Variants in STARD13 observed in about 807,000 individuals in gnomAD.
STARD13 encodes stAR-related lipid transfer protein 13.
Under a neutral mutation model 106.4 loss-of-function variants are expected in STARD13, and 62 were observed. That is an observed-to-expected ratio of 0.58 (90% CI 0.48 to 0.72). STARD13 has a LOEUF of 0.72. Ranked by LOEUF, STARD13 falls within the 30% of genes least tolerant of loss-of-function variation. The pLI, the probability that STARD13 is intolerant of heterozygous loss-of-function variation, is 0.00. For missense variants in STARD13, 1,387 were observed against 1,424.0 expected (o/e 0.97, Z 0.42); for synonymous variants, 565 against 553.0 (o/e 1.02, Z -0.31).
At chr13:33,623,428 TAAAAAAAAA>T in the STARD13 span, among the ~76,000 whole-genome samples, 1,360 of 59,380 alleles carry the variant, frequency 0.023, 28 homozygotes, top group African/African-American at 0.047. Context: ...CTCAATAAAG[TAAAAAAAAA>T]AAAAAAAAAA....
chr13:33,282,026 A>G (rs962800727), intron 1 of STARD13, among the ~76,000 whole-genome samples: 2 of 152,118 alleles, frequency 1.3e-5, no homozygotes, highest in African/African-American at 4.8e-5. Context: ...AATTAGAAAA[A>G]AATCCAATTC....
At chr13:33,589,578 G>A in the STARD13 span, among the ~76,000 whole-genome samples, 1 of 152,274 alleles carries the variant, frequency 6.6e-6, no homozygotes, top group African/African-American at 2.4e-5. Flanking sequence ...TTCAGGAGCA[G>A]GTTGTTCAGT....
At chr13:33,370,896 C>T in the STARD13 span, among the ~76,000 whole-genome samples, 4 of 152,254 alleles carry the variant, frequency 2.6e-5, no homozygotes, top group East Asian at 1.9e-4. Context: ...GCTGAGATTA[C>T]AGGTGTGAGC....
chr13:33,199,852 T>C (rs1434366528), intron 1 of STARD13, among the ~76,000 whole-genome samples: 1 of 152,200 alleles, frequency 6.6e-6, no homozygotes, highest in Non-Finnish European at 1.5e-5. Flanking sequence ...GTAATGTATA[T>C]ATATGGCCAG....
chr13:33,530,790 A>G, the STARD13 span, among the ~76,000 whole-genome samples: 2 of 152,214 alleles, frequency 1.3e-5, no homozygotes, highest in African/African-American at 4.8e-5. Flanking sequence ...ACACAGTGAT[A>G]TGTTAATTCT....
At chr13:33,614,233 C>G in the STARD13 span, among the ~76,000 whole-genome samples, 1 of 148,602 alleles carries the variant, frequency 6.7e-6, no homozygotes, top group Non-Finnish European at 1.5e-5. Flanking sequence ...GACCCGAAGG[C>G]TGCCTAAATA....
chr13:33,557,786 G>A, the STARD13 span, among the ~76,000 whole-genome samples: 1 of 152,174 alleles, frequency 6.6e-6, no homozygotes, highest in Non-Finnish European at 1.5e-5. Flanking sequence ...CTTGCTAAGA[G>A]AAAGGAGTTT....
At chr13:33,246,085 C>G (rs9597046) in intron 1 of STARD13, among the ~76,000 whole-genome samples, 1 of 152,132 alleles carries the variant, frequency 6.6e-6, no homozygotes, top group African/African-American at 2.4e-5. Flanking sequence ...TGAATAAGCT[C>G]AAGCTTGGCA....
the STARD13 span, among the ~76,000 whole-genome samples, chr13:33,619,299 C>A: frequency 6.6e-6 from 1 of 152,144 alleles, no homozygotes; most frequent in East Asian, 1.9e-4. Context: ...CAAAATAATA[C>A]TCTCTTTAAT....
chr13:33,543,175 A>T, the STARD13 span, among the ~76,000 whole-genome samples: 1 of 152,142 alleles, frequency 6.6e-6, no homozygotes, highest in African/African-American at 2.4e-5. Flanking sequence ...GAGGACTGGG[A>T]CCCTGTATTA....
At chr13:33,560,224 T>C in the STARD13 span, among the ~76,000 whole-genome samples, 1 of 151,594 alleles carries the variant, frequency 6.6e-6, no homozygotes, top group East Asian at 1.9e-4. Flanking sequence ...ACATTAAATA[T>C]TAGTGCAACA....
the STARD13 span, among the ~76,000 whole-genome samples, chr13:33,616,046 C>G: frequency 6.6e-6 from 1 of 151,848 alleles, no homozygotes; most frequent in Admixed American, 6.6e-5. Flanking sequence ...TTTGCTAGTT[C>G]TGTCGAGGAA....
the STARD13 span, among the ~76,000 whole-genome samples, chr13:33,635,417 T>G: frequency 6.6e-6 from 1 of 152,152 alleles, no homozygotes; most frequent in Non-Finnish European, 1.5e-5. Context: ...CCCAGCACTT[T>G]GGGAGGCTGA....
At chr13:33,176,070 G>T (rs1194277622) in intron 1 of STARD13, among the ~76,000 whole-genome samples, 1 of 152,168 alleles carries the variant, frequency 6.6e-6, no homozygotes, top group Non-Finnish European at 1.5e-5. Context: ...GGGTTGACAT[G>T]GCAAGATAGA....
At chr13:33,261,220 T>G (rs1566104544) in intron 1 of STARD13, among the ~76,000 whole-genome samples, 1 of 152,184 alleles carries the variant, frequency 6.6e-6, no homozygotes, top group African/African-American at 2.4e-5. Flanking sequence ...ACATGTTTGG[T>G]TTTCACAACT....
At chr13:33,464,996 A>C in the STARD13 span, among the ~76,000 whole-genome samples, 1 of 152,178 alleles carries the variant, frequency 6.6e-6, no homozygotes, top group Non-Finnish European at 1.5e-5. Context: ...ACCTCAAGCC[A>C]AAATTTGGGA....
chr13:33,186,769 C>G (rs138930666), intron 1 of STARD13, among the ~76,000 whole-genome samples: 1 of 151,694 alleles, frequency 6.6e-6, no homozygotes, highest in Non-Finnish European at 1.5e-5. Flanking sequence ...AATAGCAAAA[C>G]AAAATGAAAC....
At chr13:33,126,824 T>C (rs2138148559) in intron 6 of STARD13, among the ~76,000 whole-genome samples, 1 of 152,304 alleles carries the variant, frequency 6.6e-6, no homozygotes, top group South Asian at 2.1e-4. Flanking sequence ...TGACACATTT[T>C]GTATTTTTTC....
intron 1 of STARD13, among the ~76,000 whole-genome samples, chr13:33,227,021 C>CAAATT (rs1459416602): frequency 5.8e-4 from 89 of 152,286 alleles, no homozygotes; most frequent in Non-Finnish European, 1.1e-3. Flanking sequence ...AGATTAAGAA[C>CAAATT]CTCTGCCCCA....
Sources: gnomAD v4.1 joint callset for allele counts (sites outside exome capture counted in the v4.1 genomes callset) on GRCh38, gnomAD v4.1.1 for gene constraint, MANE v1.5 for transcripts, NCBI Gene and HGNC (gene_info 2026-07-23, HGNC 2026-07-21) for gene names.